TANC2: variants seen among roughly 807,000 people sequenced by gnomAD.
TANC2 encodes protein TANC2.
TANC2 carries 26 observed loss-of-function variants against 210.5 expected under a neutral mutation model. The ratio of observed to expected loss-of-function variants is 0.12; its 90% CI spans 0.09 to 0.17. The LOEUF (loss-of-function observed/expected upper bound fraction) is 0.17, where lower values mean the gene tolerates loss of function less well. Among genes scored for constraint, TANC2 ranks in the 10% least tolerant of loss-of-function variants. TANC2 has a pLI of 1.00. For synonymous variants in TANC2, 931 were observed against 967.1 expected, an observed-to-expected ratio of 0.96 and a Z score of 0.69; for missense variants, 2,129 against 2,608.9, an observed-to-expected ratio of 0.82 and a Z score of 4.01.
chr17:63,238,300 A>T (rs1034183657), intron 8 of TANC2, among the ~76,000 whole-genome samples: 1 of 152,192 alleles, frequency 6.6e-6, no homozygotes, highest in African/African-American at 2.4e-5. Context: ...CTGCTCCCAA[A>T]ATGTACAAAA....
At chr17:63,191,575 G>T (rs1229020938) in intron 5 of TANC2, among the ~76,000 whole-genome samples, 1 of 152,086 alleles carries the variant, frequency 6.6e-6, no homozygotes, top group East Asian at 2.0e-4. Flanking sequence ...CAGTTCTCCT[G>T]CCTCAGTCTC....
At chr17:63,397,611 C>T (rs1393958067) in intron 18 of TANC2, among the ~76,000 whole-genome samples, 1 of 152,082 alleles carries the variant, frequency 6.6e-6, no homozygotes, top group African/African-American at 2.4e-5. Flanking sequence ...TGTAAATACT[C>T]CCATCATGGC....
chr17:63,338,791 G>A (rs540967580), intron 11 of TANC2: 26 of 152,292 alleles, frequency 1.7e-4, no homozygotes, highest in African/African-American at 5.5e-4. Flanking sequence ...TTTTGTATAT[G>A]TAGTAACATT....
At chr17:63,059,687 T>A (rs190260426) in intron 2 of TANC2, among the ~76,000 whole-genome samples, 1 of 152,184 alleles carries the variant, frequency 6.6e-6, no homozygotes, top group Admixed American at 6.5e-5. Context: ...GTTAGTGTTT[T>A]GTTTTGTTTT....
intron 1 of TANC2, among the ~76,000 whole-genome samples, chr17:62,973,278 C>T (rs193018978): frequency 6.8e-4 from 104 of 152,254 alleles, no homozygotes; most frequent in African/African-American, 2.5e-3. Flanking sequence ...ATGATCGGCC[C>T]GTCTCAGCCT....
chr17:63,160,509 C>T (rs1290169802), intron 5 of TANC2, among the ~76,000 whole-genome samples: 3 of 152,150 alleles, frequency 2.0e-5, no homozygotes, highest in Non-Finnish European at 4.4e-5. Flanking sequence ...CCTGGTAGGG[C>T]ATTTCATTAT....
intron 9 of TANC2, among the ~76,000 whole-genome samples, chr17:63,282,455 T>C (rs557361783): frequency 1.2e-4 from 18 of 152,246 alleles, no homozygotes; most frequent in African/African-American, 1.7e-4. Context: ...TCAGGGTCTC[T>C]ATTTCCTTTG....
At chr17:63,276,756 A>G (rs1365627069) in intron 9 of TANC2, among the ~76,000 whole-genome samples, 2 of 151,968 alleles carry the variant, frequency 1.3e-5, no homozygotes, top group Non-Finnish European at 2.9e-5. Context: ...ACAGTGAGAC[A>G]CTCTTCAAAA....
intron 3 of TANC2, among the ~76,000 whole-genome samples, chr17:63,079,189 CA>C (rs1433046471): frequency 1.3e-5 from 2 of 152,156 alleles, no homozygotes; most frequent in Non-Finnish European, 2.9e-5. Context: ...GGATTTCCCC[CA>C]TTCACGCAGT....
intron 7 of TANC2, among the ~76,000 whole-genome samples, chr17:63,210,436 T>G (rs1237283011): frequency 2.6e-5 from 4 of 152,238 alleles, no homozygotes; most frequent in Admixed American, 2.6e-4. Flanking sequence ...ACCTCCCTCC[T>G]CTACACTTAT....
chr17:63,361,352 G>A (rs1197810807), intron 14 of TANC2, among the ~76,000 whole-genome samples: 4 of 152,216 alleles, frequency 2.6e-5, no homozygotes, highest in Admixed American at 2.0e-4. Flanking sequence ...CACCTCCCAA[G>A]GGTGAGCCAG....
intron 6 of TANC2, among the ~76,000 whole-genome samples, chr17:63,198,723 GA>G (rs1161334707): frequency 6.6e-6 from 1 of 151,766 alleles, no homozygotes; most frequent in African/African-American, 2.4e-5. Context: ...TGTCACAAGT[GA>G]TATTACTGTG....
chr17:63,396,035 A>G, intron 18 of TANC2, 107 bp downstream of exon 18: 1 of 1,045,710 alleles, frequency 9.6e-7, no homozygotes, highest in Non-Finnish European at 1.4e-6. Flanking sequence ...AATTAATGTG[A>G]ATTCGTGATC....
At chr17:63,414,944 T>C (rs1438459162) in intron 25 of TANC2, among the ~76,000 whole-genome samples, 2 of 152,240 alleles carry the variant, frequency 1.3e-5, no homozygotes, top group African/African-American at 4.8e-5. Context: ...ACTTCACTTT[T>C]CTACTGCCAC....
intron 7 of TANC2, among the ~76,000 whole-genome samples, chr17:63,219,567 T>C (rs1210770950): frequency 1.3e-5 from 2 of 152,122 alleles, no homozygotes; most frequent in Admixed American, 1.3e-4. Context: ...CATGCCACCA[T>C]GCCCGGCTAA....
At chr17:63,319,032 C>T in exon 11 of TANC2, 1 of 1,613,680 alleles carries the variant, frequency 6.2e-7, no homozygotes, top group Non-Finnish European at 8.5e-7. Context: ...GGAAGCTGCC[C>T]AGGAACTCCG....
chr17:62,996,151 T>C (rs925875597), intron 1 of TANC2, among the ~76,000 whole-genome samples: 1 of 152,192 alleles, frequency 6.6e-6, no homozygotes, highest in Admixed American at 6.5e-5. Flanking sequence ...AGTTTTTACG[T>C]TTTCCAGAAG....
At chr17:63,159,045 GAGCA>G (rs1441052843) in intron 5 of TANC2, among the ~76,000 whole-genome samples, 1 of 152,188 alleles carries the variant, frequency 6.6e-6, no homozygotes, top group African/African-American at 2.4e-5. Context: ...TGTTTCATGA[GAGCA>G]AGCAAGCAAG....
chr17:63,146,274 G>A (rs376290205), intron 4 of TANC2, among the ~76,000 whole-genome samples: 4 of 152,026 alleles, frequency 2.6e-5, no homozygotes, highest in South Asian at 2.1e-4. Flanking sequence ...CAACTTTACC[G>A]AATTTATTAG....
Sources: gnomAD v4.1 joint callset for allele counts (sites outside exome capture counted in the v4.1 genomes callset) on GRCh38, gnomAD v4.1.1 for gene constraint, MANE v1.5 for transcripts, NCBI Gene and HGNC (gene_info 2026-07-23, HGNC 2026-07-21) for gene names.